The following TMEM214 variants were observed in gnomAD, a reference collection of about 807,000 sequenced individuals.
TMEM214 encodes transmembrane protein 214.
Under a neutral mutation model 89.8 loss-of-function variants are expected in TMEM214, and 71 were observed. The ratio of observed to expected loss-of-function variants is 0.79; its 90% CI spans 0.65 to 0.96. The LOEUF is 0.96. TMEM214 is among the 40% of genes least tolerant of loss of function. The pLI, the probability that TMEM214 is intolerant of heterozygous loss-of-function variation, is 0.00. For synonymous variants in TMEM214, 332 were observed against 349.5 expected (o/e 0.95, Z 0.56); for missense variants, 754 against 843.4 (o/e 0.89, Z 1.31).
rs1200321144 is a variant in TMEM214, at chr2:27,039,955, C to G, written c.1623-75C>G. The G allele has an allele frequency of 5.6e-6, 9 of 1,593,552 alleles. No homozygotes were observed. In the East Asian group the frequency reaches 2.0e-4, roughly 36 times the overall value. ...TTCTCCTTTCCCACGGCCTCCCTTT[C>G]CCCAGCTGTTTCTTGGGAGCTAAGT... On this transcript the variant is annotated intron_variant, in intron 14 of 16. Coordinates refer to ENST00000238788, the MANE Select transcript of TMEM214 (RefSeq NM_017727.5).
rs778305264 is a variant in TMEM214 at position 27,040,123 on chromosome 2, A to G, written c.1716A>G (p.Thr572=). The G allele has an allele frequency of 6.2e-7, 1 of 1,609,286 alleles. No individual in the cohort carries two copies. The highest frequency in any genetic ancestry group is 8.5e-7 in the Non-Finnish European group (1 of 1,180,010). Residue 572 remains threonine, a synonymous_variant, in exon 15 of 17, where the codon ACA becomes ACG. Coordinates refer to ENST00000238788, the MANE Select transcript of TMEM214 (RefSeq NM_017727.5). ...LQLAWAHTNA[T]VSFLSAHCAS... The stretch of plus-strand genomic sequence containing the variant: ...TGGCCTGGGCTCACACCAATGCCAC[A>G]GTCAGCTTCCTTTCTGCCCACTGTG...
chr2:27,035,617 C>A lies in TMEM214; in HGVS notation c.526C>A (p.Arg176=), dbSNP rs760450980. 1.9e-6 allele frequency: 3 copies of A among 1,614,022 alleles called. No homozygotes were observed. In the Admixed American group the frequency reaches 5.0e-5, roughly 27 times the overall value. ...THDYPYSLVS[R]ELRGIIRGLL... ...AGATTATCCCTACAGCCTGGTGAGC[C>A]GGGAGCTACGTGGGATCATCCGAGG... Residue 176 remains arginine (R), a synonymous_variant, in exon 4 of 17, where the codon CGG becomes AGG. Transcript: ENST00000238788.
intron 9 of TMEM214, 198 bp from the exon 10 acceptor site, chr2:27,037,948 C>G (rs1667641179): frequency 6.5e-7 from 1 of 1,548,652 alleles, no homozygotes; most frequent in South Asian, 1.2e-5. Context: ...GAGCTCAAAG[C>G]TCTAGCTCAG....
intron 2 of TMEM214, 108 bp downstream of exon 2, chr2:27,034,374 C>A: frequency 7.8e-7 from 1 of 1,284,214 alleles, no homozygotes; most frequent in Non-Finnish European, 1.1e-6. Context: ...GGATTTGAAA[C>A]ACTTTAAGGG....
chr2:27,038,101 C>T lies in TMEM214; in HGVS notation c.1153-45C>T. On this transcript the variant is annotated intron_variant, in intron 9 of 16. Transcript: ENST00000238788. The surrounding 1 kb of genome is among the most constrained non-coding windows in gnomAD (Gnocchi z 4.4). ...ACCTCTTAGCACTCCCCGCCTCTGC[C>T]AGCCCCATGCCCCCAGCAGCCTCTC... The T allele has an allele frequency of 6.2e-7, 1 of 1,613,804 alleles. No homozygotes were observed. The highest frequency in any genetic ancestry group is 8.5e-7 in the Non-Finnish European group (1 of 1,179,960).
At position 27,038,751 on chromosome 2, in the gene TMEM214, A is replaced by G. The variant is rs1667682098; in HGVS notation, c.1343A>G (p.Gln448Arg). The G allele has an allele frequency of 6.2e-7, 1 of 1,614,208 alleles. No individual in the cohort carries two copies. The highest frequency in any genetic ancestry group is 8.5e-7 in the Non-Finnish European group (1 of 1,180,016). ...ATTCAGTCCCTCAAGCTTACCAACC[A>G]GGAGCTGCTGAGGAAGGGTAGCAGT... ...ETIQSLKLTN[Q>R]ELLRKGSSNN... The change falls in exon 12 of 17, where the codon CAG (glutamine) becomes CGG (arginine). Residue 448 changes from glutamine (Q) to arginine (R), a missense_variant. Transcript: ENST00000238788. This position sits in a 1 kb window ranked among gnomAD's most constrained non-coding sequence, Gnocchi z 4.4.
rs572772965 is a variant in TMEM214 at position 27,037,089 on chromosome 2, C to G, written c.921C>G (p.Asn307Lys). ...TTCATCCCCACAGGATGCATCCCAA[C>G]CTTACCAAGGGCTTCGGCATGATTG... ...YLDRLLLMHP[N>K]LTKGFGMIGP... Residue 307 changes from asparagine (N) to lysine (K), a missense_variant, in exon 8 of 17, where the codon AAC becomes AAG. Transcript: ENST00000238788. 47 of 1,614,084 alleles carry G rather than the reference C, an allele frequency of 2.9e-5. No homozygotes were observed. The South Asian group carries it at 4.8e-4, about 17-fold the overall frequency.
rs774027776 is a variant in TMEM214 at position 27,040,012 on chromosome 2, C to T, written c.1623-18C>T. Reference sequence around the variant, plus strand: ...GAGGAGACTCAGAGCCCTCTTCCCCCACTTCCATCTTCCACAGCTGGCTGG... The same window carrying T: ...GAGGAGACTCAGAGCCCTCTTCCCCTACTTCCATCTTCCACAGCTGGCTGG... On this transcript the variant is annotated intron_variant, in intron 14 of 16. Coordinates refer to ENST00000238788, the MANE Select transcript of TMEM214 (RefSeq NM_017727.5). 39 of 1,599,526 alleles carry T rather than the reference C, an allele frequency of 2.4e-5. No individual in the cohort carries two copies. The highest frequency in any genetic ancestry group is 3.2e-5 in the Non-Finnish European group (38 of 1,176,330).
In TMEM214 at chr2:27,039,166, T is replaced by A; in HGVS notation, c.1525+2T>A. 6.2e-7 allele frequency: 1 copy of A among 1,612,966 alleles called. No individual in the cohort carries two copies. Among genetic ancestry groups the A allele is most frequent in the Non-Finnish European group, 8.5e-7 (1 of 1,179,500 alleles). ...TCCGGTCACACAGCTCCTTCCAGGG[T>A]AAGCAGCAATGGGCAAGCGAGGAGG... On this transcript the variant is annotated splice_donor_variant, in intron 13 of 16. Coordinates refer to ENST00000238788, the MANE Select transcript of TMEM214 (RefSeq NM_017727.5). LOFTEE classifies it high-confidence loss of function.
chr2:27,038,291 T>A lies in TMEM214; in HGVS notation c.1244+54T>A. 6.3e-7 allele frequency: 1 copy of A among 1,594,270 alleles called. No homozygotes were observed. Among genetic ancestry groups the A allele is most frequent in the Non-Finnish European group, 8.6e-7 (1 of 1,163,348 alleles). ...CTGTGCTAGAAGCAGAAGGGGAGCC[T>A]GGGTCACTGTCCCATGGCCTGACAC... On this transcript the variant is annotated intron_variant, in intron 10 of 16. Transcript: ENST00000238788. This position sits in a 1 kb window ranked among gnomAD's most constrained non-coding sequence, Gnocchi z 4.4.
intron 13 of TMEM214, 133 bp downstream of exon 13, chr2:27,039,297 C>T (rs1667714906): frequency 1.4e-6 from 1 of 740,404 alleles, no homozygotes; most frequent in Admixed American, 2.5e-5. Context: ...AAACACTTTA[C>T]AGACAGATTT....
At chr2:27,037,266 C>G in intron 8 of TMEM214, 88 bp downstream of exon 8, 2 of 1,200,288 alleles carry the variant, frequency 1.7e-6, no homozygotes, top group Non-Finnish European at 2.5e-6. Flanking sequence ...CCCCAGCCAT[C>G]CTAGATCTGA....
chr2:27,033,177 G>T lies in TMEM214; in HGVS notation c.151+11G>T, dbSNP rs1348862669. On this transcript the variant is annotated intron_variant, in intron 1 of 16. Coordinates refer to ENST00000238788, the MANE Select transcript of TMEM214 (RefSeq NM_017727.5). ...AATACGACCTGACCCGTGAGTACCC[G>T]CCCTGCCCCGCCGCCTACCCCAGGC... 1.1e-5 allele frequency: 13 copies of T among 1,194,610 alleles called. No homozygotes were observed. Among genetic ancestry groups the T allele is most frequent in the Admixed American group, 4.6e-5 (1 of 21,930 alleles). 74.0% of individuals were successfully genotyped at this position (1,194,610 alleles called of 1,614,324 possible). A position where few individuals can be genotyped will look rare whatever the true frequency, so the allele number is the denominator to read the frequency against.
At chr2:27,037,288 T>C in intron 8 of TMEM214, 110 bp downstream of exon 8, 2 of 1,000,680 alleles carry the variant, frequency 2.0e-6, no homozygotes, top group Non-Finnish European at 3.1e-6. Context: ...ATTTGCAACC[T>C]GGAAGTTCAA....
At chr2:27,036,175 C>A in intron 5 of TMEM214, 123 bp downstream of exon 5, 1 of 811,934 alleles carries the variant, frequency 1.2e-6, no homozygotes, top group Non-Finnish European at 2.1e-6. Flanking sequence ...TAATGGGTAA[C>A]ACTATTAGCA....
Position 27,037,676 on chromosome 2 carries a change from A to G in TMEM214, c.1126A>G (p.Ser376Gly). The G allele has an allele frequency of 1.2e-6, 2 of 1,614,016 alleles. No individual in the cohort carries two copies. The highest frequency in any genetic ancestry group is 1.7e-6 in the Non-Finnish European group (2 of 1,179,994). Residue 376 changes from serine (S) to glycine (G), a missense_variant, in exon 9 of 17, where the codon AGC (serine) becomes GGC (glycine). By Grantham distance (56) the Ser-to-Gly change is moderately conservative. Coordinates refer to ENST00000238788, the MANE Select transcript of TMEM214 (RefSeq NM_017727.5). The stretch of plus-strand genomic sequence containing the variant: ...TTCTTTCCTGTCCAGAGCCACCCCT[A>G]GCTGTCCCCCTGAGATGAAGAAAGA... ...FPSFLSRATP[S>G]CPPEMKKELL... is the part of the protein sequence containing the mutation.
intron 9 of TMEM214, 159 bp downstream of exon 9, chr2:27,037,861 A>C (rs1277092775): frequency 1.3e-6 from 2 of 1,560,666 alleles, no homozygotes; most frequent in Non-Finnish European, 1.7e-6. Context: ...CTTCACCCTC[A>C]GAAGATGGAT....
At chr2:27,035,803 G>T (rs1036518294) in intron 4 of TMEM214, 75 bp downstream of exon 4, 2 of 1,605,690 alleles carry the variant, frequency 1.2e-6, no homozygotes. Flanking sequence ...CCACTCAGTG[G>T]TTCTGTTTCC....
intron 14 of TMEM214, 26 bp downstream of exon 14, chr2:27,039,863 G>A: frequency 1.2e-6 from 2 of 1,610,012 alleles, no homozygotes; most frequent in South Asian, 1.1e-5. Context: ...GGAGGGGAGA[G>A]GAGAGGCAGA....
Sources: gnomAD v4.1 joint callset for allele counts on GRCh38, gnomAD v4.1.1 for gene constraint, Gnocchi (gnomAD v3.1) non-coding constraint, MANE v1.5 for transcripts, NCBI Gene and HGNC (gene_info 2026-07-23, HGNC 2026-07-21) for gene names.